The following PGAP4 variants were observed in gnomAD, a reference collection of about 807,000 sequenced individuals.
PGAP4 encodes GPI-N-acetylgalactosamine transferase PGAP4.
PGAP4 carries 12 observed loss-of-function variants against 28.2 expected under a neutral mutation model. That is an observed-to-expected ratio of 0.42 (90% confidence interval 0.27 to 0.69). The LOEUF (loss-of-function observed/expected upper bound fraction) is 0.69, where lower values mean the gene tolerates loss of function less well. PGAP4 is among the 30% of genes least tolerant of loss of function. The pLI is 0.22. For synonymous variants in PGAP4, 205 were observed against 211.8 expected (o/e 0.97, Z 0.28); for missense variants, 425 against 513.5 (o/e 0.83, Z 1.67).
chr9:101,529,597 CCT>C (rs1827068996), intron 2 of PGAP4, among the ~76,000 whole-genome samples: 1 of 152,202 alleles, frequency 6.6e-6, no homozygotes, highest in African/African-American at 2.4e-5. Context: ...CTCTAGCTCC[CCT>C]GAGTAAGCCA....
At chr9:101,492,046 T>A (rs1208183626), upstream of PGAP4, among the ~76,000 whole-genome samples, 4 of 151,882 alleles carry the variant, frequency 2.6e-5, no homozygotes, top group African/African-American at 9.7e-5. Flanking sequence ...TTCTATCAAT[T>A]ATAGGAAAAG....
At chr9:101,528,765 T>C (rs530592569) in intron 2 of PGAP4, among the ~76,000 whole-genome samples, 1 of 151,962 alleles carries the variant, frequency 6.6e-6, no homozygotes, top group African/African-American at 2.4e-5. Context: ...AAAAGACCAA[T>C]TGTATGATTG....
chr9:101,528,060 A>G (rs140185648), intron 2 of PGAP4, among the ~76,000 whole-genome samples: 9 of 152,330 alleles, frequency 5.9e-5, no homozygotes, highest in African/African-American at 1.9e-4. Context: ...AATAAGCACA[A>G]TTACCCAGGG....
At chr9:101,477,419 A>G (rs4743461) in intron 1 of PGAP4, among the ~76,000 whole-genome samples, 125,032 of 151,998 alleles carry the variant, frequency 0.82, 51,946 homozygotes, top group African/African-American at 0.94. Flanking sequence ...ATTCAACCAA[A>G]TCATCACGCC....
upstream of PGAP4, among the ~76,000 whole-genome samples, chr9:101,489,463 C>A (rs1588202600): frequency 6.6e-6 from 1 of 152,080 alleles, no homozygotes; most frequent in East Asian, 1.9e-4. Context: ...TACCAAGGAA[C>A]TATTACTTAT....
intron 2 of PGAP4, among the ~76,000 whole-genome samples, chr9:101,494,181 T>C (rs372389050): frequency 1.3e-5 from 2 of 152,094 alleles, no homozygotes; most frequent in African/African-American, 4.8e-5. Flanking sequence ...AGGCATTTTA[T>C]GTACATTTAA....
intron 2 of PGAP4, among the ~76,000 whole-genome samples, chr9:101,495,146 A>T (rs1382058831): frequency 7.3e-5 from 7 of 95,474 alleles, no homozygotes; most frequent in African/African-American, 2.8e-4. Flanking sequence ...ATAAGATTTT[A>T]TATATATTAT....
chr9:101,502,361 G>A (rs1826811128), intron 2 of PGAP4, among the ~76,000 whole-genome samples: 1 of 152,058 alleles, frequency 6.6e-6, no homozygotes, highest in Non-Finnish European at 1.5e-5. Flanking sequence ...TCCAAATGAT[G>A]AAAACTTTAA....
chr9:101,480,080 A>G (rs1826438642), intron 1 of PGAP4, among the ~76,000 whole-genome samples: 2 of 152,278 alleles, frequency 1.3e-5, no homozygotes, highest in Admixed American at 6.5e-5. Context: ...GCCAATTTCT[A>G]AATCCTCAGG....
At chr9:101,532,852 T>G (rs1827115438) in exon 1 of PGAP4, 1 of 152,166 alleles carries the variant, frequency 6.6e-6, no homozygotes, top group Non-Finnish European at 1.5e-5. Flanking sequence ...GACAAAAGTC[T>G]TCACACTAAC....
intron 2 of PGAP4, among the ~76,000 whole-genome samples, chr9:101,529,989 C>G (rs1302163163): frequency 6.6e-6 from 1 of 152,148 alleles, no homozygotes; most frequent in Non-Finnish European, 1.5e-5. Flanking sequence ...TAAAATACAA[C>G]TTGTTTAAAA....
At chr9:101,488,811 ATTAG>A (rs1826657980), upstream of PGAP4, among the ~76,000 whole-genome samples, 1 of 152,180 alleles carries the variant, frequency 6.6e-6, no homozygotes, top group South Asian at 2.1e-4. Context: ...GTGCTACTGT[ATTAG>A]ATAGTACAGC....
At chr9:101,509,829 G>T (rs1286887163) in intron 2 of PGAP4, among the ~76,000 whole-genome samples, 1 of 151,900 alleles carries the variant, frequency 6.6e-6, no homozygotes, top group Non-Finnish European at 1.5e-5. Context: ...CAACCTCTTG[G>T]ACCCTAGTAG....
intron 1 of PGAP4, among the ~76,000 whole-genome samples, chr9:101,483,260 A>T (rs1252867461): frequency 1.3e-5 from 2 of 152,184 alleles, no homozygotes; most frequent in South Asian, 2.1e-4. Context: ...CTCAGCTATA[A>T]AATTGGTAGT....
intron 2 of PGAP4, among the ~76,000 whole-genome samples, chr9:101,523,116 C>G (rs1055832604): frequency 6.6e-6 from 1 of 152,160 alleles, no homozygotes; most frequent in Non-Finnish European, 1.5e-5. Context: ...GATAGGTTGT[C>G]CTTTATAGGT....
chr9:101,518,987 A>G (rs1433410309), intron 2 of PGAP4, among the ~76,000 whole-genome samples: 2 of 151,788 alleles, frequency 1.3e-5, no homozygotes, highest in Non-Finnish European at 2.9e-5. Flanking sequence ...TGTTTTTTTG[A>G]TTTTTTGATT....
intron 2 of PGAP4, among the ~76,000 whole-genome samples, chr9:101,495,486 C>G (rs868299772): frequency 1.1e-5 from 1 of 90,948 alleles, no homozygotes; most frequent in Non-Finnish European, 2.2e-5. Flanking sequence ...TATATATAGG[C>G]TTTCTGTGGC....
chr9:101,506,504 C>G (rs1826850092), intron 2 of PGAP4, among the ~76,000 whole-genome samples: 1 of 152,012 alleles, frequency 6.6e-6, no homozygotes, highest in South Asian at 2.1e-4. Context: ...TCTGTCTGAG[C>G]TAAAAGGCCT....
At chr9:101,502,883 CT>C (rs56789767) in intron 2 of PGAP4, among the ~76,000 whole-genome samples, 1 of 151,988 alleles carries the variant, frequency 6.6e-6, no homozygotes, top group Admixed American at 6.6e-5. Context: ...CCAAAAGTTC[CT>C]TTTTTTCATG....
Sources: gnomAD v4.1 joint callset for allele counts (sites outside exome capture counted in the v4.1 genomes callset) on GRCh38, gnomAD v4.1.1 for gene constraint, MANE v1.5 for transcripts, NCBI Gene and HGNC (gene_info 2026-07-23, HGNC 2026-07-21) for gene names.